Variants in SNAP47 observed in about 807,000 individuals in gnomAD.
The protein encoded by SNAP47 is synaptosomal-associated protein 47.
Under a neutral mutation model 31.4 loss-of-function variants are expected in SNAP47, and 20 were observed. The ratio of observed to expected loss-of-function variants is 0.64; its 90% CI spans 0.45 to 0.93. The LOEUF is 0.93. SNAP47 is among the 40% of genes least tolerant of loss of function. The pLI is 0.00. For synonymous variants in SNAP47, 194 were observed against 213.4 expected, an observed-to-expected ratio of 0.91 and a Z score of 0.79; for missense variants, 492 against 528.5, an observed-to-expected ratio of 0.93 and a Z score of 0.68.
intron 1 of SNAP47, among the ~76,000 whole-genome samples, chr1:227,729,290 T>TG (rs1660491265): frequency 6.6e-6 from 1 of 152,040 alleles, no homozygotes; most frequent in Non-Finnish European, 1.5e-5. Context: ...CTGCTGACTT[T>TG]GGGGGTACAG....
chr1:227,728,865 C>G (rs1231520414), intron 1 of SNAP47: 3 of 152,292 alleles, frequency 2.0e-5, no homozygotes, highest in Admixed American at 2.0e-4. Flanking sequence ...GCCGCGGAGC[C>G]GAAGGCCTCC....
At chr1:227,751,602 C>G (rs1004370454) in intron 2 of SNAP47, among the ~76,000 whole-genome samples, 1 of 152,170 alleles carries the variant, frequency 6.6e-6, no homozygotes, top group African/African-American at 2.4e-5. Context: ...GTGCCTTCCC[C>G]AGGCCCACAG....
At chr1:227,739,162 T>C (rs1447650400) in intron 1 of SNAP47, among the ~76,000 whole-genome samples, 1 of 151,996 alleles carries the variant, frequency 6.6e-6, no homozygotes, top group Non-Finnish European at 1.5e-5. Flanking sequence ...ATTAGGATGG[T>C]TTTTTGTTTT....
intron 4 of SNAP47, among the ~76,000 whole-genome samples, chr1:227,773,702 C>T (rs12141801): frequency 0.21 from 31,730 of 152,200 alleles, 3,464 homozygotes; most frequent in Non-Finnish European, 0.23. Flanking sequence ...AGGTAGTTAG[C>T]GTGGTGCTCC....
intron 4 of SNAP47, 84 bp from the exon 5 acceptor site, chr1:227,780,443 T>G: frequency 6.4e-7 from 1 of 1,574,598 alleles, no homozygotes; most frequent in Non-Finnish European, 8.6e-7. Context: ...CAAAGGCTCT[T>G]GGGTGTGTGA....
chr1:227,756,605 T>C (rs989759485), intron 2 of SNAP47, among the ~76,000 whole-genome samples: 2 of 152,220 alleles, frequency 1.3e-5, no homozygotes, highest in Non-Finnish European at 2.9e-5. Flanking sequence ...GCCCCGATGG[T>C]GGTGGCTCTG....
chr1:227,758,160 T>C (rs1662807741), intron 2 of SNAP47, among the ~76,000 whole-genome samples: 1 of 152,190 alleles, frequency 6.6e-6, no homozygotes, highest in East Asian at 1.9e-4. Context: ...GCATGGCATC[T>C]GCTGTGACAT....
At chr1:227,776,864 CTTT>C (rs774177039) in intron 4 of SNAP47, 68 of 985,336 alleles carry the variant, frequency 6.9e-5, no homozygotes, top group Non-Finnish European at 8.0e-5. Flanking sequence ...AATGAGTTCT[CTTT>C]TAAGGCCTTC....
At chr1:227,752,617 T>C (rs1662450679) in intron 2 of SNAP47, among the ~76,000 whole-genome samples, 1 of 152,222 alleles carries the variant, frequency 6.6e-6, no homozygotes, top group Non-Finnish European at 1.5e-5. Flanking sequence ...ACTGTATTTT[T>C]GTACCCGAAC....
In SNAP47 at chr1:227,780,906, A is replaced by T; in HGVS notation, c.*233A>T. On this transcript the variant is annotated 3_prime_UTR_variant, in exon 5 of 5. Coordinates refer to ENST00000617596, the MANE Select transcript of SNAP47 (RefSeq NM_053052.4). ...CAGGACCCGGCCACATGTTCTGCGG[A>T]TGCTGCAGAAGTGTGGACCATGGCG... The T allele has an allele frequency of 1.7e-6, 1 of 584,206 alleles. No homozygotes were observed. The highest frequency in any genetic ancestry group is 2.0e-5 in the South Asian group (1 of 49,914). 36.2% of individuals were successfully genotyped at this position (584,206 alleles called of 1,614,324 possible). A position where few individuals can be genotyped will look rare whatever the true frequency, so the allele number is the denominator to read the frequency against.
chr1:227,757,970 C>G (rs971724582), intron 2 of SNAP47, among the ~76,000 whole-genome samples: 1 of 152,222 alleles, frequency 6.6e-6, no homozygotes, highest in Non-Finnish European at 1.5e-5. Flanking sequence ...ACCTGACTGA[C>G]GCAGTCACCC....
intron 2 of SNAP47, among the ~76,000 whole-genome samples, chr1:227,752,392 G>A (rs1662432792): frequency 6.6e-6 from 1 of 151,930 alleles, no homozygotes; most frequent in African/African-American, 2.4e-5. Flanking sequence ...GGTGCCCTTG[G>A]CCACTCTCTC....
intron 1 of SNAP47, among the ~76,000 whole-genome samples, chr1:227,739,184 G>A (rs555058984): frequency 3.4e-4 from 51 of 152,172 alleles, no homozygotes; most frequent in African/African-American, 1.1e-3. Context: ...GTTTTAAAAC[G>A]GGGTCTTCCT....
At chr1:227,750,041 C>G (rs953479268) in intron 2 of SNAP47, among the ~76,000 whole-genome samples, 3 of 152,264 alleles carry the variant, frequency 2.0e-5, no homozygotes, top group Admixed American at 2.0e-4. Context: ...CACTGTCCCT[C>G]AGCCCTAAGC....
At chr1:227,754,079 C>T (rs1385701525) in intron 2 of SNAP47, among the ~76,000 whole-genome samples, 1 of 152,204 alleles carries the variant, frequency 6.6e-6, no homozygotes, top group East Asian at 1.9e-4. Context: ...AAAATAAGTG[C>T]AAGGTTTTAT....
intron 4 of SNAP47, chr1:227,768,349 GC>G: frequency 2.0e-6 from 2 of 985,430 alleles, no homozygotes; most frequent in Non-Finnish European, 2.4e-6. Flanking sequence ...CCGTCCCTGA[GC>G]CTCTGAGTCG....
chr1:227,738,888 CAGCTCCCTGAGATCACTG>C (rs1359487257), intron 1 of SNAP47, among the ~76,000 whole-genome samples: 1 of 152,208 alleles, frequency 6.6e-6, no homozygotes, highest in Non-Finnish European at 1.5e-5. Context: ...AGCAGGTCCA[CAGCTCCCTGAGATCACTG>C]AGCCCCTAGG....
Position 227,767,097 on chromosome 1 carries a change from A to G in SNAP47, c.1113+14A>G, listed in dbSNP as rs1295865561. 6.2e-7 allele frequency: 1 copy of G among 1,613,900 alleles called. No homozygotes were observed. The highest frequency in any genetic ancestry group is 1.7e-5 in the Admixed American group (1 of 60,014). On this transcript the variant is annotated intron_variant, in intron 4 of 4. Coordinates refer to ENST00000617596, the MANE Select transcript of SNAP47 (RefSeq NM_053052.4). The stretch of plus-strand genomic sequence containing the variant: ...GAACTAACCCAGGTAAGATGTCCCC[A>G]GTGCCATGCCAGCCAGCGCTGTGTC...
intron 3 of SNAP47, among the ~76,000 whole-genome samples, chr1:227,764,304 G>A (rs1204969061): frequency 6.6e-6 from 1 of 152,216 alleles, no homozygotes; most frequent in African/African-American, 2.4e-5. Flanking sequence ...ACCGCGCCCA[G>A]CAGAAACATC....
Sources: allele counts gnomAD v4.1 joint callset (sites outside exome capture counted in the v4.1 genomes callset), GRCh38; gene constraint gnomAD v4.1.1; transcripts MANE v1.5; gene names NCBI Gene and HGNC (gene_info 2026-07-23, HGNC 2026-07-21).